Variants in KIF6 observed in about 807,000 individuals in gnomAD.
The protein encoded by KIF6 is kinesin-like protein KIF6.
In KIF6, 106 loss-of-function variants were observed where a neutral mutation model predicts 112.7. The ratio of observed to expected loss-of-function variants is 0.94; its 90% CI spans 0.80 to 1.11. KIF6 has a LOEUF of 1.11. Ranked by LOEUF, KIF6 falls within the 50% of genes least tolerant of loss-of-function variation. The probability of loss-of-function intolerance (pLI) is 0.00; values close to 1 mark genes in which losing one functional copy is unlikely to be tolerated. For synonymous variants in KIF6, 339 were observed against 339.9 expected (o/e 1.00, Z 0.03); for missense variants, 929 against 964.0 (o/e 0.96, Z 0.48).
intron 19 of KIF6, among the ~76,000 whole-genome samples, chr6:39,351,491 C>T (rs999585280): frequency 4.6e-5 from 7 of 152,082 alleles, no homozygotes; most frequent in Admixed American, 6.5e-5. Context: ...CTGGCTCAAG[C>T]GATCCACCGG....
intron 13 of KIF6, among the ~76,000 whole-genome samples, chr6:39,469,321 A>G (rs924764610): frequency 6.6e-6 from 1 of 152,152 alleles, no homozygotes; most frequent in Non-Finnish European, 1.5e-5. Context: ...ACAACTATAT[A>G]AATACTATCA....
rs187683970 is a variant in KIF6, at chr6:39,421,340, C to G, written c.1755-1337G>C. Among the ~76,000 whole-genome samples the G allele has an allele frequency of 7.6e-4, 116 of 152,228 alleles. 1 individual carries two copies. Among genetic ancestry groups the G allele is most frequent in the African/African-American group, 2.7e-3 (112 of 41,530 alleles). On this transcript the variant is annotated intron_variant, in intron 14 of 22. Coordinates refer to ENST00000287152, the MANE Select transcript of KIF6 (RefSeq NM_145027.6). ...GATAGTAGAATGAACCCTAACATAC[C>G]CAGTATCACATTTTATTAATTGTCC...
intron 10 of KIF6, 55 bp from the exon 11 acceptor site, chr6:39,545,743 T>C (rs1199692267): frequency 1.4e-5 from 15 of 1,060,750 alleles, no homozygotes; most frequent in Non-Finnish European, 2.1e-5. Flanking sequence ...TTAAAAATTC[T>C]AATGGCATTA....
At chr6:39,587,811 C>A (rs922736510) in intron 7 of KIF6, among the ~76,000 whole-genome samples, 1 of 152,156 alleles carries the variant, frequency 6.6e-6, no homozygotes. Flanking sequence ...CTACAATTAC[C>A]TCCTCTCTCT....
chr6:39,620,205 T>C (rs1452138112), intron 5 of KIF6: 1 of 152,250 alleles, frequency 6.6e-6, no homozygotes, highest in Non-Finnish European at 1.5e-5. Flanking sequence ...ATGAAATGTC[T>C]TGTTTGGCCT....
intron 9 of KIF6, among the ~76,000 whole-genome samples, chr6:39,581,629 G>T (rs1301633619): frequency 1.3e-5 from 2 of 152,120 alleles, no homozygotes; most frequent in East Asian, 1.9e-4. Flanking sequence ...CGGACAAGCT[G>T]CCCTGACATC....
intron 10 of KIF6, among the ~76,000 whole-genome samples, chr6:39,558,092 A>C (rs1251282336): frequency 6.6e-6 from 1 of 152,002 alleles, no homozygotes; most frequent in Non-Finnish European, 1.5e-5. Flanking sequence ...ATAAATTATA[A>C]AAACATATAA....
chr6:39,342,592 C>A lies in KIF6; in HGVS notation c.2428+1117G>T, dbSNP rs1763379879. Among the ~76,000 whole-genome samples, 2 of 143,492 alleles carry A rather than the reference C, an allele frequency of 1.4e-5. No homozygotes were observed. Among genetic ancestry groups the A allele is most frequent in the South Asian group, 2.2e-4 (1 of 4,592 alleles). 94.1% of individuals were successfully genotyped at this position (143,492 alleles called of 152,430 possible). On this transcript the variant is annotated intron_variant, in intron 22 of 22. Transcript: ENST00000287152. The surrounding 1 kb of genome is among the most constrained non-coding windows in gnomAD (Gnocchi z 4.7). Reference sequence around the variant, plus strand: ...ATGGGGACTTGGAGATCACTGAATCCAGTTTTTTATTTTTTTTTATTTTTT... The same window carrying A: ...ATGGGGACTTGGAGATCACTGAATCAAGTTTTTTATTTTTTTTTATTTTTT...
chr6:39,572,660 T>A (rs62403287), intron 10 of KIF6, among the ~76,000 whole-genome samples: 1 of 39,694 alleles, frequency 2.5e-5, no homozygotes, highest in Non-Finnish European at 4.7e-5. Context: ...ATCTACAGGC[T>A]TTTTTTTTTT....
intron 13 of KIF6, among the ~76,000 whole-genome samples, chr6:39,500,229 T>C (rs1776042262): frequency 6.6e-6 from 1 of 152,106 alleles, no homozygotes; most frequent in South Asian, 2.1e-4. Flanking sequence ...TGAAAAGTGA[T>C]TGGAGAAGTT....
At chr6:39,341,223 C>T (rs767648173) in intron 22 of KIF6, among the ~76,000 whole-genome samples, 1 of 152,172 alleles carries the variant, frequency 6.6e-6, no homozygotes, top group East Asian at 1.9e-4. Flanking sequence ...TCCCAGTCCC[C>T]TGGCTAAATG....
intron 3 of KIF6, among the ~76,000 whole-genome samples, chr6:39,657,412 C>T (rs1247375421): frequency 2.6e-5 from 4 of 152,032 alleles, no homozygotes; most frequent in Non-Finnish European, 5.9e-5. Context: ...ATAAATCAGT[C>T]ATTGCCTGCA....
intron 5 of KIF6, among the ~76,000 whole-genome samples, chr6:39,631,279 CTTGT>C (rs1456849378): frequency 6.6e-6 from 1 of 150,626 alleles, no homozygotes; most frequent in Non-Finnish European, 1.5e-5. Context: ...TATGTCTTTT[CTTGT>C]TTTTCTTTTA....
chr6:39,427,344 C>T (rs1770842499), intron 14 of KIF6, among the ~76,000 whole-genome samples: 1 of 152,176 alleles, frequency 6.6e-6, no homozygotes, highest in African/African-American at 2.4e-5. Context: ...GTGAAGCCTT[C>T]CTTTGATGTC....
rs546674609 is a variant in KIF6, at chr6:39,523,480, C to T, written c.1645+16523G>A. 5.3e-5 allele frequency among the ~76,000 whole-genome samples: 8 copies of T among 151,420 alleles called. No individual in the cohort carries two copies. In the South Asian group the frequency reaches 1.7e-3, roughly 32 times the overall value. ...AACTGGTCTCTCTTTAGCTTTGTTTCTTGCTAAACACCATCCTATCCACAC... is the reference window on the plus strand; with the variant it reads ...AACTGGTCTCTCTTTAGCTTTGTTTTTTGCTAAACACCATCCTATCCACAC... On this transcript the variant is annotated intron_variant, in intron 13 of 22. Coordinates refer to ENST00000287152, the MANE Select transcript of KIF6 (RefSeq NM_145027.6).
At chr6:39,678,529 T>C (rs1787313149) in intron 3 of KIF6, among the ~76,000 whole-genome samples, 1 of 152,206 alleles carries the variant, frequency 6.6e-6, no homozygotes, top group Non-Finnish European at 1.5e-5. Context: ...GGTATAAACC[T>C]CAACATTCCC....
intron 13 of KIF6, among the ~76,000 whole-genome samples, chr6:39,500,812 G>A (rs1776084560): frequency 6.6e-6 from 1 of 152,090 alleles, no homozygotes; most frequent in South Asian, 2.1e-4. Context: ...AGAGGTGGAA[G>A]CTCTCTGAGA....
intron 13 of KIF6, among the ~76,000 whole-genome samples, chr6:39,517,984 G>C (rs549081407): frequency 9.2e-5 from 14 of 152,290 alleles, no homozygotes; most frequent in Non-Finnish European, 1.3e-4. Context: ...TATGTTTACA[G>C]AACAAAGTGG....
intron 7 of KIF6, among the ~76,000 whole-genome samples, chr6:39,590,631 A>C (rs1781899735): frequency 2.6e-5 from 4 of 151,836 alleles, no homozygotes; most frequent in South Asian, 4.2e-4. Context: ...TTGTATTTTT[A>C]GTAGAGATGG....
Sources: allele counts gnomAD v4.1 joint callset (sites outside exome capture counted in the v4.1 genomes callset), GRCh38; gene constraint gnomAD v4.1.1; non-coding constraint Gnocchi (gnomAD v3.1); transcripts MANE v1.5; gene names NCBI Gene and HGNC (gene_info 2026-07-23, HGNC 2026-07-21).